Variants in SNTG2 observed in about 807,000 individuals in gnomAD.
SNTG2 encodes gamma-2-syntrophin.
SNTG2 carries 74 observed loss-of-function variants against 70.9 expected under a neutral mutation model. That is an observed-to-expected ratio of 1.04 (90% CI 0.86 to 1.27). The LOEUF is 1.27. Among genes scored for constraint, SNTG2 ranks in the 50% most tolerant of loss-of-function variants. The pLI is 0.00. For missense variants in SNTG2, 717 were observed against 690.7 expected, an observed-to-expected ratio of 1.04 and a Z score of -0.43; for synonymous variants, 278 against 273.8, an observed-to-expected ratio of 1.02 and a Z score of -0.15.
chr2:1,179,974 C>T (rs1404000696), intron 8 of SNTG2, among the ~76,000 whole-genome samples: 1 of 136,840 alleles, frequency 7.3e-6, no homozygotes, highest in Non-Finnish European at 1.6e-5. Flanking sequence ...GGAAAGGATT[C>T]CCTATTTAAT....
At chr2:1,352,475 C>A (rs1200706221) in intron 16 of SNTG2, among the ~76,000 whole-genome samples, 3 of 152,170 alleles carry the variant, frequency 2.0e-5, no homozygotes, top group Non-Finnish European at 4.4e-5. Flanking sequence ...AGCTGGGCCC[C>A]GTGTCAGGTT....
intron 1 of SNTG2, among the ~76,000 whole-genome samples, chr2:991,538 TG>T (rs1234884786): frequency 6.6e-6 from 1 of 152,184 alleles, no homozygotes; most frequent in East Asian, 1.9e-4. Context: ...TCCATAATCC[TG>T]TTATAGTTTT....
At chr2:1,214,459 T>C (rs1674246192) in intron 9 of SNTG2, among the ~76,000 whole-genome samples, 1 of 152,172 alleles carries the variant, frequency 6.6e-6, no homozygotes, top group African/African-American at 2.4e-5. Context: ...AGATCTTTCA[T>C]CTCTTTCGTT....
chr2:1,007,528 G>A (rs1369103156), intron 1 of SNTG2, among the ~76,000 whole-genome samples: 2 of 152,176 alleles, frequency 1.3e-5, no homozygotes, highest in Non-Finnish European at 2.9e-5. Flanking sequence ...GATTGAAGAT[G>A]ATGTCTTTAA....
At chr2:1,243,899 G>A (rs1004792380) in intron 11 of SNTG2, among the ~76,000 whole-genome samples, 16 of 152,186 alleles carry the variant, frequency 1.1e-4, no homozygotes, top group South Asian at 2.1e-4. Context: ...GGTGGCACGC[G>A]CCTGTAATCC....
At position 1,367,460 on chromosome 2, in the gene SNTG2, A is replaced by G. The variant is rs371161023; in HGVS notation, c.1606A>G (p.Met536Val). The change falls in exon 17 of 17, where the codon ATG becomes GTG. Residue 536 changes from methionine (M) to valine (V), a missense_variant. Transcript: ENST00000308624. Reference protein sequence around the residue: ...MDSQSLARKYMYSS With the variant: ...MDSQSLARKYVYSS ...CAGTCAGAGTCTTGCCAGAAAATACATGTACAGCAGCTAAAGGTTGTTTCT... is the reference window on the plus strand; with the variant it reads ...CAGTCAGAGTCTTGCCAGAAAATACGTGTACAGCAGCTAAAGGTTGTTTCT... 28 of 1,550,988 alleles carry G rather than the reference A, an allele frequency of 1.8e-5. No individual in the cohort carries two copies. The highest frequency in any genetic ancestry group is 7.2e-5 in the South Asian group (6 of 83,808).
At chr2:1,058,077 A>T (rs1429797513) in intron 1 of SNTG2, among the ~76,000 whole-genome samples, 1 of 152,186 alleles carries the variant, frequency 6.6e-6, no homozygotes, top group African/African-American at 2.4e-5. Flanking sequence ...AATTAATATA[A>T]ATAACTTATA....
chr2:1,206,346 G>A (rs548834698), intron 8 of SNTG2, among the ~76,000 whole-genome samples: 13 of 152,286 alleles, frequency 8.5e-5, no homozygotes, highest in Non-Finnish European at 1.8e-4. Context: ...CTCCTAAGGA[G>A]AGGATGCTGG....
chr2:985,627 C>T (rs1221844822), intron 1 of SNTG2, among the ~76,000 whole-genome samples: 2 of 152,044 alleles, frequency 1.3e-5, no homozygotes, highest in East Asian at 1.9e-4. Context: ...TGCTGGTAAA[C>T]TGATATCTCA....
chr2:1,197,507 GTA>G (rs1213631871), intron 8 of SNTG2, among the ~76,000 whole-genome samples: 1,177 of 76,954 alleles, frequency 0.015, 7 homozygotes, highest in East Asian at 0.066. Flanking sequence ...ATATGTGTAT[GTA>G]TATATATGTG....
chr2:1,156,752 C>T (rs951801886), intron 6 of SNTG2, among the ~76,000 whole-genome samples: 2 of 152,058 alleles, frequency 1.3e-5, no homozygotes, highest in African/African-American at 2.4e-5. Context: ...GATGCTCGGG[C>T]TGTCATTTGA....
intron 9 of SNTG2, among the ~76,000 whole-genome samples, chr2:1,222,483 G>C (rs947015989): frequency 7.1e-6 from 1 of 141,434 alleles, no homozygotes. Context: ...TCGCTGTAGA[G>C]GAAAGTGGTG....
intron 1 of SNTG2, among the ~76,000 whole-genome samples, chr2:1,032,818 T>C (rs1310147004): frequency 6.6e-6 from 1 of 152,020 alleles, no homozygotes. Context: ...TTGGTCACTG[T>C]GTTAGATCAT....
chr2:1,022,361 G>A (rs1395210592), intron 1 of SNTG2, among the ~76,000 whole-genome samples: 1 of 151,804 alleles, frequency 6.6e-6, no homozygotes, highest in African/African-American at 2.4e-5. Context: ...GTGCGTTCCC[G>A]TGAATCCCTG....
chr2:1,000,759 C>T (rs951819865), intron 1 of SNTG2, among the ~76,000 whole-genome samples: 1 of 151,542 alleles, frequency 6.6e-6, no homozygotes, highest in African/African-American at 2.4e-5. Flanking sequence ...ATTTCTCACT[C>T]ATTCTATGAA....
intron 1 of SNTG2, among the ~76,000 whole-genome samples, chr2:1,001,005 G>T (rs1659365806): frequency 6.6e-6 from 1 of 151,862 alleles, no homozygotes; most frequent in Non-Finnish European, 1.5e-5. Context: ...TAAACAAAAA[G>T]TAAAAACCAA....
At chr2:1,124,273 T>A (rs1667559047) in intron 4 of SNTG2, among the ~76,000 whole-genome samples, 1 of 151,550 alleles carries the variant, frequency 6.6e-6, no homozygotes, top group Admixed American at 6.6e-5. Flanking sequence ...TTTGAAAATA[T>A]ATAGGGTGGA....
At chr2:1,112,414 A>G (rs926695936) in intron 4 of SNTG2, among the ~76,000 whole-genome samples, 3 of 151,626 alleles carry the variant, frequency 2.0e-5, no homozygotes, top group African/African-American at 4.9e-5. Context: ...ATGTATACTA[A>G]GTGAGGTTTA....
intron 8 of SNTG2, among the ~76,000 whole-genome samples, chr2:1,197,667 T>C (rs1347481597): frequency 6.6e-6 from 1 of 151,630 alleles, no homozygotes; most frequent in Non-Finnish European, 1.5e-5. Flanking sequence ...CCCAAGTATC[T>C]GGGATTACAG....
Sources: allele counts gnomAD v4.1 joint callset (sites outside exome capture counted in the v4.1 genomes callset), GRCh38; gene constraint gnomAD v4.1.1; transcripts MANE v1.5; gene names NCBI Gene and HGNC (gene_info 2026-07-23, HGNC 2026-07-21).